The following SLC26A7 variants were observed in gnomAD, a reference collection of about 807,000 sequenced individuals.
SLC26A7 encodes solute carrier family 26 member 7.
Under a neutral mutation model 82.5 loss-of-function variants are expected in SLC26A7, and 59 were observed. That is an observed-to-expected ratio of 0.72 (90% CI 0.58 to 0.89). SLC26A7 has a LOEUF of 0.89. Ranked by LOEUF, SLC26A7 falls within the 40% of genes least tolerant of loss-of-function variation. The pLI, the probability that SLC26A7 is intolerant of heterozygous loss-of-function variation, is 0.00. For synonymous variants in SLC26A7, 271 were observed against 274.3 expected (o/e 0.99, Z 0.12); for missense variants, 820 against 793.0 (o/e 1.03, Z -0.41).
intron 18 of SLC26A7, chr8:91,394,455 A>G (rs1808511516): frequency 2.9e-6 from 4 of 1,396,320 alleles, no homozygotes; most frequent in Non-Finnish European, 3.7e-6. Context: ...ATCTTTGGAA[A>G]TACTATTTGT....
At chr8:91,279,632 T>C (rs969250559) in intron 2 of SLC26A7, among the ~76,000 whole-genome samples, 1 of 149,196 alleles carries the variant, frequency 6.7e-6, no homozygotes, top group Non-Finnish European at 1.5e-5. Flanking sequence ...TAGTCTCGGC[T>C]CACTGCAAGC....
intron 4 of SLC26A7, among the ~76,000 whole-genome samples, chr8:91,303,851 C>G (rs1263192559): frequency 6.6e-6 from 1 of 152,184 alleles, no homozygotes; most frequent in Non-Finnish European, 1.5e-5. Flanking sequence ...ACATCATCAA[C>G]TTTCTTCTTT....
At chr8:91,330,333 G>A (rs1813044904) in intron 5 of SLC26A7, among the ~76,000 whole-genome samples, 1 of 152,126 alleles carries the variant, frequency 6.6e-6, no homozygotes, top group Non-Finnish European at 1.5e-5. Context: ...TATACCAGGT[G>A]CATTTGATCC....
intron 5 of SLC26A7, among the ~76,000 whole-genome samples, chr8:91,325,451 G>A (rs1323263120): frequency 6.6e-6 from 1 of 152,132 alleles, no homozygotes; most frequent in Non-Finnish European, 1.5e-5. Context: ...GCACTGTATA[G>A]ATACAGGTAG....
chr8:91,366,438 A>T, intron 13 of SLC26A7, 142 bp from the exon 14 acceptor site: 1 of 816,176 alleles, frequency 1.2e-6, no homozygotes, highest in Non-Finnish European at 1.9e-6. Context: ...GTGTGATAGT[A>T]CATTAAGGCC....
chr8:91,340,388 GTCC>G lies in SLC26A7; in HGVS notation c.879-14_879-12del, dbSNP rs755640165. On this transcript the variant is annotated splice_polypyrimidine_tract_variant and intron_variant, in intron 7 of 18. Coordinates refer to ENST00000276609, the MANE Select transcript of SLC26A7 (RefSeq NM_052832.4). The stretch of plus-strand genomic sequence containing the variant: ...CATGAAGTTTGATGACTTCAATATG[GTCC>G]TTCTTTCCACAGAATTCCCTCACCT... 23 of 1,612,446 alleles carry G rather than the reference GTCC, an allele frequency of 1.4e-5. No homozygotes were observed. In the East Asian group the frequency reaches 5.1e-4, roughly 36 times the overall value.
chr8:91,386,931 C>G (rs548768082), intron 15 of SLC26A7, among the ~76,000 whole-genome samples: 2 of 152,118 alleles, frequency 1.3e-5, no homozygotes, highest in South Asian at 4.2e-4. Context: ...ATATTAAGCT[C>G]CAATATACAT....
At chr8:91,394,900 G>A (rs999948495) in intron 18 of SLC26A7, among the ~76,000 whole-genome samples, 162 bp from the exon 19 acceptor site, 2 of 152,070 alleles carry the variant, frequency 1.3e-5, no homozygotes, top group Admixed American at 6.5e-5. Flanking sequence ...GTTTGAGTTT[G>A]GACCTGGAGC....
intron 2 of SLC26A7, among the ~76,000 whole-genome samples, chr8:91,287,877 A>G (rs1811753301): frequency 6.6e-6 from 1 of 152,080 alleles, no homozygotes; most frequent in Non-Finnish European, 1.5e-5. Context: ...TCTACCTCTC[A>G]CCATGCCTTT....
At chr8:91,346,150 C>G (rs990563750) in intron 9 of SLC26A7, among the ~76,000 whole-genome samples, 3 of 152,080 alleles carry the variant, frequency 2.0e-5, no homozygotes, top group Non-Finnish European at 4.4e-5. Flanking sequence ...AAACAAAGCT[C>G]AGTGGCAGAA....
At chr8:91,318,484 T>A in intron 5 of SLC26A7, 104 bp downstream of exon 5, 1 of 1,025,534 alleles carries the variant, frequency 9.8e-7, no homozygotes, top group Non-Finnish European at 1.4e-6. Context: ...TTAAAGCAAC[T>A]TGGGTTTAAA....
chr8:91,306,835 A>G (rs989759147), intron 4 of SLC26A7, among the ~76,000 whole-genome samples: 3 of 151,990 alleles, frequency 2.0e-5, no homozygotes, highest in Non-Finnish European at 1.5e-5. Context: ...TCAGCCTCAC[A>G]AGCAGCTAAG....
chr8:91,315,362 A>G (rs1189717512), intron 4 of SLC26A7, among the ~76,000 whole-genome samples: 1 of 152,120 alleles, frequency 6.6e-6, no homozygotes, highest in African/African-American at 2.4e-5. Flanking sequence ...CTAACTTACT[A>G]ATAGAGAAAT....
Position 91,319,191 on chromosome 8 carries a change from A to T in SLC26A7, c.642+811A>T, listed in dbSNP as rs560747631. On this transcript the variant is annotated intron_variant, in intron 5 of 18. Coordinates refer to ENST00000276609, the MANE Select transcript of SLC26A7 (RefSeq NM_052832.4). ...GGTTTCTGTCATTTCTGTATTATAC[A>T]TGGCCCCGTGAGGATCCTCTTTATT... Among the ~76,000 whole-genome samples, 3 of 152,286 alleles carry T rather than the reference A, an allele frequency of 2.0e-5. No individual in the cohort carries two copies. In the South Asian group the frequency reaches 6.2e-4, roughly 32 times the overall value.
chr8:91,225,676 A>AC (rs1810228123), intron 2 of SLC26A7, among the ~76,000 whole-genome samples: 2 of 20,958 alleles, frequency 9.5e-5, no homozygotes, highest in African/African-American at 2.6e-4. Flanking sequence ...TTTTTTTTTT[A>AC]CCATTTTAAC....
At chr8:91,235,468 A>G (rs544735210) in intron 2 of SLC26A7, among the ~76,000 whole-genome samples, 1 of 152,320 alleles carries the variant, frequency 6.6e-6, no homozygotes, top group East Asian at 1.9e-4. Flanking sequence ...AAAGAGAAAA[A>G]TCAGAATTCC....
upstream of SLC26A7, among the ~76,000 whole-genome samples, chr8:91,246,822 A>T (rs1246262872): frequency 1.3e-5 from 2 of 151,864 alleles, no homozygotes; most frequent in Non-Finnish European, 2.9e-5. Context: ...AGGGAATGCC[A>T]CTCTCCATCC....
chr8:91,313,134 T>A (rs1345812481), intron 4 of SLC26A7, among the ~76,000 whole-genome samples: 1 of 152,180 alleles, frequency 6.6e-6, no homozygotes, highest in Non-Finnish European at 1.5e-5. Context: ...CATATTTAGA[T>A]CTTTGAACCA....
chr8:91,250,573 G>T (rs1415272617), intron 2 of SLC26A7, among the ~76,000 whole-genome samples: 1 of 152,050 alleles, frequency 6.6e-6, no homozygotes, highest in Non-Finnish European at 1.5e-5. Flanking sequence ...TATATCCATT[G>T]CAGTTCTTGG....
Sources: gnomAD v4.1 joint callset for allele counts (sites outside exome capture counted in the v4.1 genomes callset) on GRCh38, gnomAD v4.1.1 for gene constraint, MANE v1.5 for transcripts, NCBI Gene and HGNC (gene_info 2026-07-23, HGNC 2026-07-21) for gene names.